Variants in GALNT2 observed in about 807,000 individuals in gnomAD.
GALNT2 encodes the protein polypeptide N-acetylgalactosaminyltransferase 2, also known as UDP-GalNAc:polypeptide N-acetylgalactosaminyltransferase 2.
A neutral mutation model predicts 81.4 loss-of-function variants in GALNT2; 31 were observed. The ratio of observed to expected loss-of-function variants is 0.38; its 90% CI spans 0.29 to 0.51. GALNT2 has a LOEUF of 0.51. GALNT2 is among the 20% of genes least tolerant of loss of function. GALNT2 has a pLI of 0.87. For synonymous variants in GALNT2, 303 were observed against 287.4 expected, an observed-to-expected ratio of 1.05 and a Z score of -0.55; for missense variants, 629 against 765.7, an observed-to-expected ratio of 0.82 and a Z score of 2.11.
At position 230,243,387 on chromosome 1, in the gene GALNT2, A is replaced by G. The variant is rs772502318; in HGVS notation, c.689A>G (p.Asn230Ser). Residue 230 changes from asparagine (N) to serine (S), a missense_variant, in exon 7 of 16, where the codon AAT (asparagine) becomes AGT (serine). Physicochemically the swap from Asn to Ser is conservative, Grantham distance 46. Transcript: ENST00000366672. The surrounding 1 kb of genome is among the most constrained non-coding windows in gnomAD (Gnocchi z 4.2). ...TTCCTGGACAGTCACTGCGAGTGTA[A>G]TGAGCACTGGCTGGAGCCCCTCCTG... ...LTFLDSHCEC[N>S]EHWLEPLLER... 2.5e-6 allele frequency: 4 copies of G among 1,612,736 alleles called. No individual in the cohort carries two copies. The highest frequency in any genetic ancestry group is 2.2e-5 in the East Asian group (1 of 44,856).
chr1:230,072,448 C>T (rs1659405314), intron 1 of GALNT2, among the ~76,000 whole-genome samples: 1 of 152,028 alleles, frequency 6.6e-6, no homozygotes. Flanking sequence ...GGCTGAGATC[C>T]CAGGAAGGGA....
intron 3 of GALNT2, among the ~76,000 whole-genome samples, chr1:230,211,425 C>A (rs563158465): frequency 7.2e-5 from 11 of 152,272 alleles, no homozygotes; most frequent in Middle Eastern, 6.8e-3. Flanking sequence ...AAAGCTTGTT[C>A]AATAATCACA....
At chr1:230,195,107 C>T (rs930807321) in intron 2 of GALNT2, among the ~76,000 whole-genome samples, 6 of 152,200 alleles carry the variant, frequency 3.9e-5, no homozygotes, top group Admixed American at 6.5e-5. Flanking sequence ...TCATTTTAAA[C>T]GGCTTTCAGT....
At chr1:230,084,471 C>T (rs1328256740) in intron 1 of GALNT2, among the ~76,000 whole-genome samples, 1 of 152,110 alleles carries the variant, frequency 6.6e-6, no homozygotes, top group African/African-American at 2.4e-5. Flanking sequence ...GTGAATGGGA[C>T]GTGAGGTCAG....
chr1:230,119,124 C>A (rs1289653778), intron 1 of GALNT2, among the ~76,000 whole-genome samples: 1 of 152,180 alleles, frequency 6.6e-6, no homozygotes, highest in Non-Finnish European at 1.5e-5. Context: ...AAATGTTATA[C>A]CTGTATTTAT....
rs1666289612 is a variant in GALNT2 at position 230,275,877 on chromosome 1, A to AGAT, written c.1560+1314_1560+1316dup. Among the ~76,000 whole-genome samples, 1 of 151,484 alleles carries AGAT rather than the reference A, an allele frequency of 6.6e-6. No homozygotes were observed. The highest frequency in any genetic ancestry group is 1.9e-4 in the East Asian group (1 of 5,176). The stretch of plus-strand genomic sequence containing the variant: ...ATAGATATACATATATAAATGCCAC[A>AGAT]GATATATACATATATAAACACCACA... On this transcript the variant is annotated intron_variant, in intron 15 of 15. Coordinates refer to ENST00000366672, the MANE Select transcript of GALNT2 (RefSeq NM_004481.5). The surrounding 1 kb of genome is among the most constrained non-coding windows in gnomAD (Gnocchi z 5.5).
chr1:230,216,754 T>C (rs1436546484), intron 3 of GALNT2, among the ~76,000 whole-genome samples: 1 of 152,134 alleles, frequency 6.6e-6, no homozygotes, highest in Non-Finnish European at 1.5e-5. Context: ...TAAATGTTAA[T>C]GGTAGAACCT....
intron 11 of GALNT2, 54 bp from the exon 12 acceptor site, chr1:230,262,519 G>A (rs1665908412): frequency 6.8e-7 from 1 of 1,471,300 alleles, no homozygotes; most frequent in Admixed American, 1.7e-5. Flanking sequence ...TGCAAATGGA[G>A]TGATGCAGAC....
At chr1:230,063,732 G>A (rs1236145366), upstream of GALNT2, among the ~76,000 whole-genome samples, 1 of 152,200 alleles carries the variant, frequency 6.6e-6, no homozygotes, top group Non-Finnish European at 1.5e-5. Flanking sequence ...TTTAGGAAGG[G>A]AAGTTTTGGG....
At chr1:230,259,598 A>G (rs1264786291) in intron 11 of GALNT2, 1 of 152,202 alleles carries the variant, frequency 6.6e-6, no homozygotes, top group East Asian at 1.9e-4. Context: ...TTTTTCAAGG[A>G]TAATCTGGAG....
intron 1 of GALNT2, among the ~76,000 whole-genome samples, chr1:230,073,777 G>A (rs1438085845): frequency 2.6e-5 from 4 of 152,196 alleles, no homozygotes; most frequent in African/African-American, 4.8e-5. Context: ...GAAATGGGCC[G>A]ATCCCTCATG....
chr1:230,146,612 C>T (rs1044265794), intron 1 of GALNT2, among the ~76,000 whole-genome samples: 1 of 152,108 alleles, frequency 6.6e-6, no homozygotes, highest in East Asian at 1.9e-4. Context: ...GGAGCAAACT[C>T]GGCTCTCAGG....
Position 230,192,984 on chromosome 1 carries a change from T to G in GALNT2, c.221-10153T>G, listed in dbSNP as rs558778540. ...CTTGTCCTCGTCTTTTCTTTCATGG[T>G]GTAGCATTATGACCTTCTAGAGGAA... On this transcript the variant is annotated intron_variant, in intron 2 of 15. Coordinates refer to ENST00000366672, the MANE Select transcript of GALNT2 (RefSeq NM_004481.5). Among the ~76,000 whole-genome samples the G allele has an allele frequency of 2.6e-5, 4 of 152,378 alleles. 1 individual carries two copies. The highest frequency in any genetic ancestry group is 9.6e-5 in the African/African-American group (4 of 41,590).
chr1:230,235,122 G>A (rs1664985869), intron 3 of GALNT2, among the ~76,000 whole-genome samples: 1 of 148,686 alleles, frequency 6.7e-6, no homozygotes, highest in African/African-American at 2.5e-5. Context: ...GCTGAGGTAG[G>A]AGCATCACTT....
chr1:230,236,716 C>G lies in GALNT2; in HGVS notation c.598C>G (p.Arg200Gly), dbSNP rs1431963909. The change falls in exon 6 of 16, where the codon CGA becomes GGA. Residue 200 changes from arginine (R) to glycine (G), a missense_variant. Arg to Gly is a moderately radical substitution (Grantham distance 125). Around this residue, in one of 3 missense-constraint regions of GALNT2, gnomAD observed 360 missense variants for 492.8 expected, o/e 0.73. Transcript: ENST00000366672. ...GAAAGTGCGAGTTCTTAGAAATGAT[C>G]GACGAGAAGGTAAGATTCTTCTTAA... ...IEKVRVLRND[R>G]REGLMRSRVR... 3 of 1,613,294 alleles carry G rather than the reference C, an allele frequency of 1.9e-6. No individual in the cohort carries two copies. The highest frequency in any genetic ancestry group is 2.2e-5 in the East Asian group (1 of 44,876).
chr1:230,110,191 C>G (rs1343971779), intron 1 of GALNT2, among the ~76,000 whole-genome samples: 1 of 152,208 alleles, frequency 6.6e-6, no homozygotes, highest in East Asian at 1.9e-4. Context: ...GCTAATAGCT[C>G]ATTTAAATAT....
intron 6 of GALNT2, among the ~76,000 whole-genome samples, chr1:230,239,345 A>G (rs948341125): frequency 2.0e-5 from 3 of 152,212 alleles, no homozygotes; most frequent in African/African-American, 7.2e-5. Context: ...ACACAATCAC[A>G]AGGTGAAGCC....
At chr1:230,200,559 C>T (rs191376235) in intron 2 of GALNT2, among the ~76,000 whole-genome samples, 44 of 152,272 alleles carry the variant, frequency 2.9e-4, no homozygotes, top group Admixed American at 1.0e-3. Context: ...TCTTGCAAAC[C>T]CTGTGCTGTG....
intron 3 of GALNT2, among the ~76,000 whole-genome samples, chr1:230,234,453 T>A (rs1664963547): frequency 6.6e-6 from 1 of 152,190 alleles, no homozygotes; most frequent in Non-Finnish European, 1.5e-5. Flanking sequence ...CCAGTGTGTT[T>A]AACTGCTAGA....
Sources: gnomAD v4.1 joint callset for allele counts (sites outside exome capture counted in the v4.1 genomes callset) on GRCh38, gnomAD v4.1.1 for gene constraint, gnomAD v4.1.1 regional missense constraint, Gnocchi (gnomAD v3.1) non-coding constraint, MANE v1.5 for transcripts, NCBI Gene and HGNC (gene_info 2026-07-23, HGNC 2026-07-21) for gene names.